The following SMC5 variants were observed in gnomAD, a reference collection of about 807,000 sequenced individuals.
SMC5 encodes structural maintenance of chromosomes protein 5.
In SMC5, 88 loss-of-function variants were observed where a neutral mutation model predicts 148.3. That is an observed-to-expected ratio of 0.59 (90% confidence interval 0.50 to 0.71). The LOEUF is 0.71. SMC5 is among the 30% of genes least tolerant of loss of function. SMC5 has a pLI of 0.00. For missense variants in SMC5, 1,142 were observed against 1,298.9 expected (o/e 0.88, Z 1.86); for synonymous variants, 421 against 432.8 (o/e 0.97, Z 0.34).
chr9:70,352,226 A>T lies in SMC5; in HGVS notation c.3201A>T (p.Thr1067=), dbSNP rs377036850. The T allele has an allele frequency of 2.0e-5, 33 of 1,610,962 alleles. No individual in the cohort carries two copies. The highest frequency in any genetic ancestry group is 2.7e-5 in the Non-Finnish European group (32 of 1,179,234). Residue 1067 remains threonine, a synonymous_variant, in exon 25 of 25, where the codon ACA becomes ACT. Transcript: ENST00000361138. ...ATCTTCCTTATTCTGAAAAGATGAC[A>T]GTTTTGTTTGTCTACAATGGCCCTC... ...LQNLPYSEKM[T]VLFVYNGPHM... is the part of the protein sequence containing the mutation.
At chr9:70,319,254 C>G (rs2035887816) in intron 15 of SMC5, among the ~76,000 whole-genome samples, 2 of 151,876 alleles carry the variant, frequency 1.3e-5, no homozygotes, top group African/African-American at 4.8e-5. Flanking sequence ...TGATATTTAC[C>G]ATATTAGAAA....
rs538296487 is a variant in SMC5, at chr9:70,333,393, T to C, written c.2397+9250T>C. Among the ~76,000 whole-genome samples the C allele has an allele frequency of 9.9e-5, 15 of 151,660 alleles. No individual in the cohort carries two copies. The South Asian group carries it at 3.1e-3, about 32-fold the overall frequency. ...GCCGAGGCTGGAGGATGGCTTGAGC[T>C]CGCAAGGTCAAGGCTGCCACGAGCT... On this transcript the variant is annotated intron_variant, in intron 17 of 24. Transcript: ENST00000361138.
At chr9:70,332,523 CAAAA>C (rs57524323) in intron 17 of SMC5, among the ~76,000 whole-genome samples, 14 of 104,186 alleles carry the variant, frequency 1.3e-4, no homozygotes, top group Non-Finnish European at 1.4e-4. Context: ...GACCCTGTCT[CAAAA>C]AAAAAAAAAA....
chr9:70,322,011 C>G (rs2035960560), intron 15 of SMC5, among the ~76,000 whole-genome samples: 1 of 151,992 alleles, frequency 6.6e-6, no homozygotes, highest in Non-Finnish European at 1.5e-5. Flanking sequence ...GTATGTTTAC[C>G]TTGACTTAAT....
intron 3 of SMC5, among the ~76,000 whole-genome samples, chr9:70,269,129 T>C (rs2034375234): frequency 6.6e-6 from 1 of 152,160 alleles, no homozygotes; most frequent in African/African-American, 2.4e-5. Context: ...TTTTTATTTA[T>C]ATAGAGATGA....
At chr9:70,342,508 T>C (rs988897336) in intron 17 of SMC5, among the ~76,000 whole-genome samples, 1 of 152,110 alleles carries the variant, frequency 6.6e-6, no homozygotes, top group Non-Finnish European at 1.5e-5. Context: ...CCAGCTGTTT[T>C]TTGTGCCAAC....
Position 70,353,068 on chromosome 9 carries a change from CTTTTA to C in SMC5, c.*738_*742del, listed in dbSNP as rs1301225585. On this transcript the variant is annotated 3_prime_UTR_variant, in exon 25 of 25. Transcript: ENST00000361138. ...GTGACAAGGGTTTTTAAAGAATAAC[CTTTTA>C]AAGTGTGGGGGCAGGGGTTGCTTTT... 6.6e-6 allele frequency: 1 copy of C among 151,438 alleles called. No homozygotes were observed. Among genetic ancestry groups the C allele is most frequent in the African/African-American group, 2.4e-5 (1 of 41,208 alleles). The allele number at this position is 151,438 out of a possible 1,614,324, so 9.4% of individuals were successfully genotyped here.
At chr9:70,291,336 A>G (rs1371118143) in intron 8 of SMC5, among the ~76,000 whole-genome samples, 4 of 152,324 alleles carry the variant, frequency 2.6e-5, no homozygotes, top group East Asian at 1.9e-4. Context: ...CTGAGATTCA[A>G]TCATTTTTCT....
intron 24 of SMC5, among the ~76,000 whole-genome samples, chr9:70,350,704 T>G (rs10868808): frequency 6.6e-6 from 1 of 152,040 alleles, no homozygotes; most frequent in African/African-American, 2.4e-5. Context: ...TTGTCTCATT[T>G]CTCTTCTAGA....
In SMC5 at chr9:70,263,689, T is replaced by C. The variant is rs145511718; in HGVS notation, c.186-615T>C. On this transcript the variant is annotated intron_variant, in intron 1 of 24. Coordinates refer to ENST00000361138, the MANE Select transcript of SMC5 (RefSeq NM_015110.4). ...TTTGTAGGGCAGTGTCTCTCTATGA[T>C]GCCTAGGCTGGCTTTGACCTCCTAG... 3.9e-3 allele frequency among the ~76,000 whole-genome samples: 599 copies of C among 152,334 alleles called. 3 individuals carry two copies. Among genetic ancestry groups the C allele is most frequent in the African/African-American group, 0.013 (554 of 41,568 alleles).
chr9:70,286,396 A>C, intron 8 of SMC5, 125 bp downstream of exon 8: 1 of 606,442 alleles, frequency 1.6e-6, no homozygotes, highest in Non-Finnish European at 2.9e-6. Context: ...CTATTTCTTA[A>C]TCCGAGGGAA....
intron 3 of SMC5, among the ~76,000 whole-genome samples, chr9:70,271,790 A>G (rs2034457515): frequency 1.3e-5 from 2 of 152,222 alleles, no homozygotes; most frequent in African/African-American, 2.4e-5. Context: ...AATTGGGGAA[A>G]TAATATTTCA....
chr9:70,312,361 C>T (rs1294936754), intron 11 of SMC5, among the ~76,000 whole-genome samples: 1 of 152,118 alleles, frequency 6.6e-6, no homozygotes, highest in Non-Finnish European at 1.5e-5. Context: ...TATCACGAAA[C>T]AGCATGGGGG....
chr9:70,280,337 TG>T (rs2034715587), intron 5 of SMC5, among the ~76,000 whole-genome samples: 1 of 152,246 alleles, frequency 6.6e-6, no homozygotes, highest in Non-Finnish European at 1.5e-5. Flanking sequence ...CTTTCAGTCA[TG>T]AGTGTTCATT....
intron 2 of SMC5, among the ~76,000 whole-genome samples, chr9:70,265,426 T>C (rs957136841): frequency 6.6e-6 from 1 of 152,068 alleles, no homozygotes; most frequent in Non-Finnish European, 1.5e-5. Context: ...ACCATTGCAC[T>C]CCAGCCTGGG....
At chr9:70,319,004 G>A (rs1298824651) in intron 15 of SMC5, 41 bp downstream of exon 15, 7 of 1,517,790 alleles carry the variant, frequency 4.6e-6, no homozygotes, top group Non-Finnish European at 6.2e-6. Context: ...ACAAATTACT[G>A]TATGGGAGAA....
chr9:70,304,242 TTTA>T (rs893247258), intron 10 of SMC5, among the ~76,000 whole-genome samples: 10 of 152,068 alleles, frequency 6.6e-5, no homozygotes, highest in Non-Finnish European at 1.0e-4. Context: ...TGGCTAATTT[TTTA>T]TTATTATTAT....
chr9:70,285,985 C>T (rs1408459436), intron 7 of SMC5, among the ~76,000 whole-genome samples: 1 of 152,182 alleles, frequency 6.6e-6, no homozygotes, highest in Non-Finnish European at 1.5e-5. Flanking sequence ...AGAGAAAAAA[C>T]ATGCATGCGT....
chr9:70,335,018 G>A (rs1359961472), intron 17 of SMC5, among the ~76,000 whole-genome samples: 2 of 152,192 alleles, frequency 1.3e-5, no homozygotes, highest in African/African-American at 4.8e-5. Flanking sequence ...AAATTGCTGA[G>A]AATTTGGAGC....
Sources: allele counts gnomAD v4.1 joint callset (sites outside exome capture counted in the v4.1 genomes callset), GRCh38; gene constraint gnomAD v4.1.1; transcripts MANE v1.5; gene names NCBI Gene and HGNC (gene_info 2026-07-23, HGNC 2026-07-21).